The following LOC128462377 variants were observed in gnomAD, a reference collection of about 807,000 sequenced individuals.
At chr16:89,343,287 T>C in the LOC128462377 span, among the ~76,000 whole-genome samples, 1 of 152,192 alleles carries the variant, frequency 6.6e-6, no homozygotes, top group Non-Finnish European at 1.5e-5. Flanking sequence ...GCCACCGCAC[T>C]GGGCCTGAGC....
the LOC128462377 span, chr16:89,324,514 C>G: frequency 1.5e-5 from 7 of 456,106 alleles, no homozygotes; most frequent in Non-Finnish European, 2.6e-5. Flanking sequence ...CTTGAGGAAG[C>G]TGCCAAAGGA....
the LOC128462377 span, among the ~76,000 whole-genome samples, chr16:89,380,885 A>G: frequency 6.6e-6 from 1 of 152,344 alleles, no homozygotes; most frequent in South Asian, 2.1e-4. Context: ...AATGCAGCTC[A>G]GAGGTCGTGG....
chr16:89,393,317 T>TA, the LOC128462377 span, among the ~76,000 whole-genome samples: 1 of 149,776 alleles, frequency 6.7e-6, no homozygotes, highest in African/African-American at 2.5e-5. Flanking sequence ...TATTTTTATT[T>TA]TTTTTTTTTT....
the LOC128462377 span, among the ~76,000 whole-genome samples, chr16:89,341,400 A>T: frequency 4.6e-5 from 7 of 152,212 alleles, no homozygotes; most frequent in African/African-American, 1.7e-4. Flanking sequence ...GGTTGGAGGG[A>T]TAAGGCCCCA....
the LOC128462377 span, among the ~76,000 whole-genome samples, chr16:89,407,631 A>C: frequency 6.6e-6 from 1 of 152,204 alleles, no homozygotes; most frequent in African/African-American, 2.4e-5. Flanking sequence ...GACCAGCCTG[A>C]GTAACACGGC....
chr16:89,387,237 A>G, the LOC128462377 span, among the ~76,000 whole-genome samples: 1 of 152,084 alleles, frequency 6.6e-6, no homozygotes, highest in African/African-American at 2.4e-5. Flanking sequence ...GTTAAAAAAA[A>G]AAAAAGCATC....
the LOC128462377 span, among the ~76,000 whole-genome samples, chr16:89,397,590 A>G: frequency 2.0e-5 from 3 of 152,236 alleles, no homozygotes; most frequent in East Asian, 5.8e-4. Flanking sequence ...AAAGGTGTGC[A>G]TGGCAAGGGG....
At chr16:89,371,409 A>G in the LOC128462377 span, among the ~76,000 whole-genome samples, 1 of 152,204 alleles carries the variant, frequency 6.6e-6, no homozygotes, top group African/African-American at 2.4e-5. Context: ...CCCTGCACAG[A>G]CAGGTGTCCA....
the LOC128462377 span, among the ~76,000 whole-genome samples, chr16:89,329,467 T>C: frequency 3.9e-4 from 59 of 152,290 alleles, 3 homozygotes; most frequent in South Asian, 8.1e-3. Context: ...GTCTATACTT[T>C]TAGGTGATGG....
the LOC128462377 span, among the ~76,000 whole-genome samples, chr16:89,337,429 CTTTTTTT>C: frequency 6.2e-4 from 33 of 53,134 alleles, no homozygotes; most frequent in African/African-American, 2.0e-3. Context: ...CTAAGCAATT[CTTTTTTT>C]TTTTTTTTTT....
chr16:89,396,365 C>T, the LOC128462377 span, among the ~76,000 whole-genome samples: 1 of 152,152 alleles, frequency 6.6e-6, no homozygotes, highest in African/African-American at 2.4e-5. Flanking sequence ...CACACACACG[C>T]GACGGAGCCG....
At chr16:89,319,536 C>T in the LOC128462377 span, among the ~76,000 whole-genome samples, 2 of 152,270 alleles carry the variant, frequency 1.3e-5, no homozygotes, top group Non-Finnish European at 2.9e-5. Context: ...GGCCGTGGCC[C>T]TTCCAGGACC....
At chr16:89,331,048 G>C in the LOC128462377 span, among the ~76,000 whole-genome samples, 1 of 152,162 alleles carries the variant, frequency 6.6e-6, no homozygotes, top group East Asian at 1.9e-4. Context: ...CTGCCTCCCA[G>C]GTTCAAGCAA....
the LOC128462377 span, among the ~76,000 whole-genome samples, chr16:89,352,441 G>A: frequency 1.3e-5 from 2 of 151,628 alleles, no homozygotes; most frequent in East Asian, 2.0e-4. Flanking sequence ...TGGCAGGAGG[G>A]CACTTGCTGA....
the LOC128462377 span, among the ~76,000 whole-genome samples, chr16:89,369,617 G>T: frequency 6.6e-6 from 1 of 152,220 alleles, no homozygotes; most frequent in Non-Finnish European, 1.5e-5. Flanking sequence ...GAAAGGGAGG[G>T]GGTGCGGTCA....
At chr16:89,386,275 CT>C in the LOC128462377 span, among the ~76,000 whole-genome samples, 183 of 148,180 alleles carry the variant, frequency 1.2e-3, 4 homozygotes, top group Admixed American at 7.0e-3. Flanking sequence ...AAATCAGTCA[CT>C]TTTTTTTTTT....
At chr16:89,326,378 G>A in the LOC128462377 span, among the ~76,000 whole-genome samples, 1 of 151,192 alleles carries the variant, frequency 6.6e-6, no homozygotes, top group East Asian at 1.9e-4. Context: ...CGCAGCCACC[G>A]CCCCCCCCAC....
the LOC128462377 span, among the ~76,000 whole-genome samples, chr16:89,341,205 G>A: frequency 3.8e-4 from 58 of 152,180 alleles, no homozygotes; most frequent in Admixed American, 9.8e-4. Flanking sequence ...TGAGATCCGC[G>A]GAGAAGACTG....
the LOC128462377 span, among the ~76,000 whole-genome samples, chr16:89,366,162 CA>C: frequency 6.7e-6 from 1 of 149,598 alleles, no homozygotes; most frequent in Non-Finnish European, 1.5e-5. Flanking sequence ...GACATGATCT[CA>C]TTCTTTTTCA....
Sources: gnomAD v4.1 joint callset for allele counts (sites outside exome capture counted in the v4.1 genomes callset) on GRCh38, gnomAD v4.1.1 for gene constraint, MANE v1.5 for transcripts.